COL4A2: variants seen among roughly 807,000 people sequenced by gnomAD.
COL4A2 encodes collagen type IV alpha 2 chain.
In COL4A2, 99 loss-of-function variants were observed where a neutral mutation model predicts 200.2. That is an observed-to-expected ratio of 0.49 (90% confidence interval 0.42 to 0.58). The LOEUF is 0.58. Among genes scored for constraint, COL4A2 ranks in the 20% least tolerant of loss-of-function variants. COL4A2 has a pLI of 0.00. For synonymous variants in COL4A2, 897 were observed against 900.6 expected (o/e 1.00, Z 0.07); for missense variants, 1,950 against 2,314.1 (o/e 0.84, Z 3.23).
At position 110,307,310 on chromosome 13, in the gene COL4A2, C is replaced by CCAGGGCT. The variant is rs1267355640; in HGVS notation, c.-261_-255dup. The CCAGGGCT allele has an allele frequency of 7.6e-5, 26 of 344,190 alleles. No individual in the cohort carries two copies. In the East Asian group the frequency reaches 1.3e-3, roughly 17 times the overall value. 21.3% of individuals were successfully genotyped at this position (344,190 alleles called of 1,614,324 possible). On this transcript the variant is annotated 5_prime_UTR_variant, in exon 1 of 48. Coordinates refer to ENST00000360467, the MANE Select transcript of COL4A2 (RefSeq NM_001846.4). The surrounding 1 kb of genome is among the most constrained non-coding windows in gnomAD (Gnocchi z 5.0). ...AGTGTGGCTGCAGTGCGCCGGGACA[C>CCAGGGCT]CAGGGCTCCGCGCTCCGCACTCAAG...
At chr13:110,509,270 T>TATATATACACACACACACACACACAC (rs1435137108) in intron 47 of COL4A2, among the ~76,000 whole-genome samples, 2 of 115,578 alleles carry the variant, frequency 1.7e-5, no homozygotes, top group African/African-American at 7.0e-5. Context: ...TATATATATA[T>TATATATACACACACACACACACACAC]ACACACACAC....
At chr13:110,484,729 A>C (rs1883051148) in intron 32 of COL4A2, among the ~76,000 whole-genome samples, 176 bp from the exon 33 acceptor site, 1 of 151,280 alleles carries the variant, frequency 6.6e-6, no homozygotes, top group Admixed American at 6.6e-5. Context: ...GCCACCCCCA[A>C]CTCCAACTAC....
At chr13:110,350,128 T>C (rs1164478055) in intron 3 of COL4A2, among the ~76,000 whole-genome samples, 2 of 152,208 alleles carry the variant, frequency 1.3e-5, no homozygotes, top group Non-Finnish European at 2.9e-5. Flanking sequence ...GAAAAGAATT[T>C]CCATATATGA....
chr13:110,402,711 C>A (rs1203843338), intron 4 of COL4A2, among the ~76,000 whole-genome samples: 1 of 152,254 alleles, frequency 6.6e-6, no homozygotes, highest in African/African-American at 2.4e-5. Flanking sequence ...CCTCACCTTA[C>A]GGAGTGAGGA....
intron 3 of COL4A2, among the ~76,000 whole-genome samples, chr13:110,346,855 C>A (rs532335241): frequency 2.0e-5 from 3 of 152,188 alleles, no homozygotes; most frequent in Non-Finnish European, 2.9e-5. Context: ...CAGCTCCTCC[C>A]GGGGTGAAGG....
chr13:110,468,681 C>G (rs769478391), intron 27 of COL4A2, among the ~76,000 whole-genome samples: 1 of 152,208 alleles, frequency 6.6e-6, no homozygotes, highest in Non-Finnish European at 1.5e-5. Flanking sequence ...CCAAGAGGCG[C>G]CAGGAACGGG....
At chr13:110,320,175 C>G (rs1885240297) in intron 3 of COL4A2, among the ~76,000 whole-genome samples, 1 of 152,344 alleles carries the variant, frequency 6.6e-6, no homozygotes, top group African/African-American at 2.4e-5. Context: ...CAGGCGCAGC[C>G]GCACAACCCA....
At chr13:110,336,167 T>G (rs994229593) in intron 3 of COL4A2, among the ~76,000 whole-genome samples, 1 of 152,208 alleles carries the variant, frequency 6.6e-6, no homozygotes, top group Admixed American at 6.5e-5. Context: ...TCTAATACAT[T>G]GAAGTAGAGA....
intron 3 of COL4A2, among the ~76,000 whole-genome samples, chr13:110,356,348 A>G (rs1877263974): frequency 1.3e-5 from 2 of 152,142 alleles, no homozygotes; most frequent in South Asian, 2.1e-4. Context: ...AGGGGAAAGA[A>G]AGTGGACTTC....
In COL4A2 at chr13:110,501,746, C is replaced by CTGG; in HGVS notation, c.3842_3844dup (p.Gly1281dup). 1 of 1,613,614 alleles carries CTGG rather than the reference C, an allele frequency of 6.2e-7. No homozygotes were observed. Among genetic ancestry groups the CTGG allele is most frequent in the South Asian group, 1.1e-5 (1 of 91,044 alleles). ...CCCCCTTCCAACATCTCTGGGGCAC[C>CTGG]TGGTGACAAAGGGGCGCCAGGGATA... On this transcript the variant is annotated inframe_insertion, in exon 41 of 48. Transcript: ENST00000360467.
At chr13:110,504,665 G>A (rs994995133) in intron 45 of COL4A2, among the ~76,000 whole-genome samples, 2 of 152,166 alleles carry the variant, frequency 1.3e-5, no homozygotes, top group African/African-American at 4.8e-5. Flanking sequence ...GAGTGCAGTG[G>A]CGCAATCTCA....
chr13:110,445,466 G>A (rs1293166406), intron 16 of COL4A2, among the ~76,000 whole-genome samples: 1 of 152,178 alleles, frequency 6.6e-6, no homozygotes, highest in African/African-American at 2.4e-5. Context: ...AACACCACGG[G>A]GGTGAGACTG....
intron 4 of COL4A2, among the ~76,000 whole-genome samples, chr13:110,368,385 T>C (rs1877844214): frequency 1.3e-5 from 2 of 152,196 alleles, no homozygotes; most frequent in South Asian, 4.1e-4. Flanking sequence ...CCAAATAAGG[T>C]TTTACTTAGA....
chr13:110,353,591 A>G (rs1291086488), intron 3 of COL4A2, among the ~76,000 whole-genome samples: 2 of 152,342 alleles, frequency 1.3e-5, no homozygotes, highest in African/African-American at 4.8e-5. Flanking sequence ...GCCAAGGCTC[A>G]GGTCAGAGAC....
At chr13:110,333,139 C>T (rs193248065) in intron 3 of COL4A2, among the ~76,000 whole-genome samples, 4 of 152,332 alleles carry the variant, frequency 2.6e-5, no homozygotes, top group African/African-American at 9.6e-5. Flanking sequence ...CTGACCTTGA[C>T]TTATGACCCC....
At chr13:110,330,962 G>C (rs1200320512) in intron 3 of COL4A2, among the ~76,000 whole-genome samples, 1 of 152,030 alleles carries the variant, frequency 6.6e-6, no homozygotes, top group Non-Finnish European at 1.5e-5. Context: ...CCATCTACCC[G>C]ATCTCGCCGT....
intron 18 of COL4A2, among the ~76,000 whole-genome samples, chr13:110,447,717 A>G (rs1338368787): frequency 1.3e-5 from 2 of 151,226 alleles, no homozygotes; most frequent in Non-Finnish European, 2.9e-5. Context: ...GGACAGGCAC[A>G]GAGTTGGAGC....
At chr13:110,461,481 C>T (rs1165759973) in intron 22 of COL4A2, among the ~76,000 whole-genome samples, 1 of 152,266 alleles carries the variant, frequency 6.6e-6, no homozygotes, top group African/African-American at 2.4e-5. Flanking sequence ...CCTGTCCAAC[C>T]ACCTGTGGCT....
intron 4 of COL4A2, among the ~76,000 whole-genome samples, chr13:110,376,545 AACTTT>A (rs1395270050): frequency 1.3e-5 from 2 of 152,146 alleles, no homozygotes; most frequent in African/African-American, 4.8e-5. Flanking sequence ...TAGTTTTGGA[AACTTT>A]ACTTTTTTAT....
Sources: gnomAD v4.1 joint callset for allele counts (sites outside exome capture counted in the v4.1 genomes callset) on GRCh38, gnomAD v4.1.1 for gene constraint, Gnocchi (gnomAD v3.1) non-coding constraint, MANE v1.5 for transcripts, NCBI Gene and HGNC (gene_info 2026-07-23, HGNC 2026-07-21) for gene names.